Variants in ZNF566 observed in about 807,000 individuals in gnomAD.
ZNF566 encodes zinc finger protein 566.
ZNF566 carries 27 observed loss-of-function variants against 32.8 expected under a neutral mutation model. The ratio of observed to expected loss-of-function variants is 0.82; its 90% CI spans 0.61 to 1.14. The LOEUF is 1.14. Ranked by LOEUF, ZNF566 falls within the 50% of genes most tolerant of loss-of-function variation. The pLI is 0.00. For missense variants in ZNF566, 402 were observed against 490.4 expected, an observed-to-expected ratio of 0.82 and a Z score of 1.70; for synonymous variants, 154 against 159.5, an observed-to-expected ratio of 0.97 and a Z score of 0.26.
chr19:36,455,977 T>C (rs2033298351), intron 4 of ZNF566, among the ~76,000 whole-genome samples: 1 of 151,058 alleles, frequency 6.6e-6, no homozygotes, highest in African/African-American at 2.4e-5. Context: ...AGGCCGAGCT[T>C]GCAGTGAGCC....
rs2032977308 is a variant in ZNF566 at position 36,445,710 on chromosome 19, T to C, written c.*3267A>G. 1 of 152,146 alleles carries C rather than the reference T, an allele frequency of 6.6e-6. No individual in the cohort carries two copies. The allele number at this position is 152,146 out of a possible 1,614,324, so 9.4% of individuals were successfully genotyped here. A position where few individuals can be genotyped will look rare whatever the true frequency, so the allele number is the denominator to read the frequency against. ...GGCATATACCTGTAACCCCAGCTACTTGGGAGGCTGAGGCAGGAGAATCTC... is the reference window on the plus strand; with the variant it reads ...GGCATATACCTGTAACCCCAGCTACCTGGGAGGCTGAGGCAGGAGAATCTC... On this transcript the variant is annotated 3_prime_UTR_variant, in exon 5 of 5. Transcript: ENST00000452939.
At chr19:36,478,166 TC>T (rs993017009) in intron 1 of ZNF566, among the ~76,000 whole-genome samples, 4 of 152,038 alleles carry the variant, frequency 2.6e-5, no homozygotes, top group Admixed American at 2.0e-4. Flanking sequence ...TCACTGCATT[TC>T]CCCAGATGAA....
intron 4 of ZNF566, among the ~76,000 whole-genome samples, chr19:36,458,393 C>T (rs1279011857): frequency 6.6e-6 from 1 of 151,912 alleles, no homozygotes; most frequent in African/African-American, 2.4e-5. Flanking sequence ...GTGAAATAAG[C>T]CAGGCACAGA....
At chr19:36,473,571 A>C in intron 2 of ZNF566, 113 bp from the exon 3 acceptor site, 1 of 963,788 alleles carries the variant, frequency 1.0e-6, no homozygotes. Context: ...TGAGCATATG[A>C]ATGTCTGGGA....
chr19:36,489,437 C>G (rs569943568), intron 1 of ZNF566, 49 bp downstream of exon 1: 20 of 304,424 alleles, frequency 6.6e-5, no homozygotes, highest in South Asian at 5.7e-4. Context: ...AAAGCCGAGG[C>G]TTGGCCCCCG....
rs1032464225 is a variant in ZNF566, at chr19:36,447,718, G to A, written c.*1259C>T. 1 of 151,876 alleles carries A rather than the reference G, an allele frequency of 6.6e-6. No individual in the cohort carries two copies. The highest frequency in any genetic ancestry group is 2.4e-5 in the African/African-American group (1 of 41,318). The allele number at this position is 151,876 out of a possible 1,614,324, so 9.4% of individuals were successfully genotyped here. A position where few individuals can be genotyped will look rare whatever the true frequency, so the allele number is the denominator to read the frequency against. On this transcript the variant is annotated 3_prime_UTR_variant, in exon 5 of 5. Transcript: ENST00000452939. ...AATGCGACAAAAAGAGTATTAGTCGGAATAAAGTCCTTCACACACATTATT... is the reference window on the plus strand; with the variant it reads ...AATGCGACAAAAAGAGTATTAGTCGAAATAAAGTCCTTCACACACATTATT...
intron 1 of ZNF566, among the ~76,000 whole-genome samples, chr19:36,482,958 T>C (rs2034072780): frequency 6.6e-6 from 1 of 152,128 alleles, no homozygotes; most frequent in African/African-American, 2.4e-5. Context: ...AAAATTCAGG[T>C]TTCCTAAGGT....
intron 4 of ZNF566, among the ~76,000 whole-genome samples, chr19:36,457,832 A>G (rs2033355353): frequency 6.6e-6 from 1 of 152,236 alleles, no homozygotes. Context: ...CGGAGGTTGC[A>G]GTGAGCTGAG....
At position 36,448,954 on chromosome 19, in the gene ZNF566, C is replaced by A. The variant is rs541613918; in HGVS notation, c.*23G>T. On this transcript the variant is annotated 3_prime_UTR_variant, in exon 5 of 5. Transcript: ENST00000452939. ...TGAGCCATAATTAAAAGCCTCCCTA[C>A]ACATTTCATATATTCTGTTTCATCA... is the stretch of plus-strand genomic sequence containing the variant. The A allele has an allele frequency of 1.3e-6, 2 of 1,536,070 alleles. No homozygotes were observed. Among genetic ancestry groups the A allele is most frequent in the East Asian group, 2.3e-5 (1 of 44,340 alleles).
chr19:36,463,693 C>G (rs2033539755), intron 4 of ZNF566, among the ~76,000 whole-genome samples: 1 of 147,074 alleles, frequency 6.8e-6, no homozygotes, highest in Admixed American at 6.6e-5. Flanking sequence ...CAGGTGTGCG[C>G]CACCACACCT....
At chr19:36,471,520 C>G (rs1216390011) in intron 4 of ZNF566, among the ~76,000 whole-genome samples, 4 of 152,174 alleles carry the variant, frequency 2.6e-5, no homozygotes, top group African/African-American at 4.8e-5. Flanking sequence ...AGTACAGTAA[C>G]TTACTATGGT....
At chr19:36,469,072 C>T (rs978796788) in intron 4 of ZNF566, among the ~76,000 whole-genome samples, 1 of 151,898 alleles carries the variant, frequency 6.6e-6, no homozygotes, top group Non-Finnish European at 1.5e-5. Context: ...TGAAAATGTA[C>T]ACTCTTACAA....
intron 4 of ZNF566, among the ~76,000 whole-genome samples, chr19:36,457,092 A>G (rs933266389): frequency 3.9e-5 from 6 of 152,236 alleles, no homozygotes; most frequent in African/African-American, 1.4e-4. Flanking sequence ...GAACCCATAC[A>G]GAACCCATGC....
chr19:36,480,459 ATT>A (rs1231391768), intron 1 of ZNF566, among the ~76,000 whole-genome samples: 1 of 150,866 alleles, frequency 6.6e-6, no homozygotes, highest in Non-Finnish European at 1.5e-5. Flanking sequence ...TAATTTTTGT[ATT>A]TTTAGTGGAG....
intron 4 of ZNF566, among the ~76,000 whole-genome samples, chr19:36,454,236 T>C (rs560792208): frequency 6.6e-6 from 1 of 152,242 alleles, no homozygotes; most frequent in Admixed American, 6.5e-5. Context: ...TAGACTGTTA[T>C]AACTATGAGA....
chr19:36,486,044 C>T (rs921467793), intron 1 of ZNF566, among the ~76,000 whole-genome samples: 28 of 151,730 alleles, frequency 1.8e-4, no homozygotes, highest in Middle Eastern at 3.4e-3. Context: ...ACAGAGACTC[C>T]GTCTCAAAGA....
At chr19:36,487,897 C>CAAAAAAAA (rs201784748) in intron 1 of ZNF566, among the ~76,000 whole-genome samples, 1 of 75,524 alleles carries the variant, frequency 1.3e-5, no homozygotes, top group East Asian at 9.1e-4. Flanking sequence ...GACTCTGTCT[C>CAAAAAAAA]AAAAAAAAAA....
At chr19:36,453,199 C>A (rs567442211) in intron 4 of ZNF566, among the ~76,000 whole-genome samples, 1 of 150,612 alleles carries the variant, frequency 6.6e-6, no homozygotes, top group Admixed American at 6.6e-5. Context: ...ACTGGCGGGG[C>A]GCTGGTGGCT....
At chr19:36,461,656 G>T (rs2033465808) in intron 4 of ZNF566, among the ~76,000 whole-genome samples, 1 of 152,086 alleles carries the variant, frequency 6.6e-6, no homozygotes, top group Admixed American at 6.6e-5. Flanking sequence ...GGGCGACAGA[G>T]CGAGACTCTG....
Sources: gnomAD v4.1 joint callset for allele counts (sites outside exome capture counted in the v4.1 genomes callset) on GRCh38, gnomAD v4.1.1 for gene constraint, MANE v1.5 for transcripts, NCBI Gene and HGNC (gene_info 2026-07-23, HGNC 2026-07-21) for gene names.